PKHD1: variants seen among roughly 807,000 people sequenced by gnomAD.
The protein encoded by PKHD1 is fibrocystin.
A neutral mutation model predicts 412.0 loss-of-function variants in PKHD1; 291 were observed. The ratio of observed to expected loss-of-function variants is 0.71; its 90% confidence interval spans 0.64 to 0.78. PKHD1 has a LOEUF of 0.78. Among genes scored for constraint, PKHD1 ranks in the 30% least tolerant of loss-of-function variants. The pLI, the probability that PKHD1 is intolerant of heterozygous loss-of-function variation, is 0.00. For synonymous variants in PKHD1, 1,777 were observed against 1,821.5 expected (o/e 0.98, Z 0.62); for missense variants, 4,825 against 4,950.7 (o/e 0.97, Z 0.76).
chr6:51,739,044 T>A (rs180967394), intron 60 of PKHD1, among the ~76,000 whole-genome samples: 1,833 of 147,950 alleles, frequency 0.012, 13 homozygotes, highest in Middle Eastern at 0.022. Context: ...ATATATATAT[T>A]TTTTATTTTA....
At chr6:51,768,328 A>G (rs1488202777) in intron 55 of PKHD1, among the ~76,000 whole-genome samples, 1 of 152,014 alleles carries the variant, frequency 6.6e-6, no homozygotes, top group East Asian at 1.9e-4. Context: ...GTTGTATTAG[A>G]TTTGACATCT....
intron 60 of PKHD1, among the ~76,000 whole-genome samples, chr6:51,677,637 C>CA (rs1265468772): frequency 6.6e-6 from 1 of 151,938 alleles, no homozygotes; most frequent in East Asian, 1.9e-4. Flanking sequence ...TTGCATGAAG[C>CA]AAAAAATGTC....
chr6:51,702,677 GAAAA>G (rs1464898083), intron 60 of PKHD1, among the ~76,000 whole-genome samples: 2 of 151,744 alleles, frequency 1.3e-5, no homozygotes, highest in African/African-American at 4.8e-5. Flanking sequence ...CCAAGATCTA[GAAAA>G]AGCAAATTTA....
At chr6:52,020,504 A>G (rs1367380163) in intron 33 of PKHD1, among the ~76,000 whole-genome samples, 1 of 152,196 alleles carries the variant, frequency 6.6e-6, no homozygotes, top group Non-Finnish European at 1.5e-5. Context: ...TTTACTTGGA[A>G]AGTTTCTGAT....
chr6:52,044,182 G>C (rs1805398022), intron 25 of PKHD1, among the ~76,000 whole-genome samples: 1 of 151,986 alleles, frequency 6.6e-6, no homozygotes, highest in Admixed American at 6.6e-5. Flanking sequence ...CTTTACTTGG[G>C]GTCTCTTTTG....
intron 28 of PKHD1, among the ~76,000 whole-genome samples, chr6:52,034,624 T>A (rs1189345890): frequency 1.3e-5 from 2 of 152,126 alleles, no homozygotes; most frequent in African/African-American, 4.8e-5. Context: ...ATACTACATA[T>A]CAAAAGCTTT....
At chr6:52,017,167 G>A (rs1162114632) in intron 34 of PKHD1, among the ~76,000 whole-genome samples, 2 of 152,188 alleles carry the variant, frequency 1.3e-5, no homozygotes, top group South Asian at 2.1e-4. Flanking sequence ...ATCTAAGCAA[G>A]AACAAAGCGA....
intron 34 of PKHD1, among the ~76,000 whole-genome samples, chr6:52,011,739 G>A (rs926824109): frequency 1.4e-4 from 22 of 152,078 alleles, no homozygotes; most frequent in Non-Finnish European, 2.4e-4. Flanking sequence ...CTTAATCTTC[G>A]CTTCTTCATG....
chr6:51,718,436 A>G (rs1781516751), intron 60 of PKHD1, among the ~76,000 whole-genome samples: 2 of 152,198 alleles, frequency 1.3e-5, no homozygotes, highest in African/African-American at 4.8e-5. Context: ...GTTTCAACTA[A>G]ATCACAAAAT....
At chr6:51,835,057 T>G (rs983484422) in intron 51 of PKHD1, among the ~76,000 whole-genome samples, 1 of 152,202 alleles carries the variant, frequency 6.6e-6, no homozygotes, top group Non-Finnish European at 1.5e-5. Context: ...CACAACTCTA[T>G]GAAGTATGGG....
intron 60 of PKHD1, among the ~76,000 whole-genome samples, chr6:51,732,377 C>T (rs550011548): frequency 2.0e-5 from 3 of 151,986 alleles, no homozygotes; most frequent in Non-Finnish European, 2.9e-5. Flanking sequence ...GAAATATTTG[C>T]AAATCATATG....
intron 5 of PKHD1, among the ~76,000 whole-genome samples, chr6:52,077,558 A>G (rs1423513705): frequency 6.6e-6 from 1 of 152,208 alleles, no homozygotes; most frequent in Non-Finnish European, 1.5e-5. Flanking sequence ...AGAGAACATC[A>G]CCAAAGAATA....
Position 51,618,993 on chromosome 6 carries a change from A to T in PKHD1, c.*88T>A, listed in dbSNP as rs1016321984. On this transcript the variant is annotated 3_prime_UTR_variant, in exon 67 of 67. Transcript: ENST00000371117. ...CACATTCTCTCTTCTTAGTTGTCCC[A>T]GCAGGACAGTCCTCACTTCCCCAGC... 7 of 1,204,998 alleles carry T rather than the reference A, an allele frequency of 5.8e-6. No homozygotes were observed. In the Admixed American group the frequency reaches 6.7e-5, roughly 12 times the overall value. 74.6% of individuals were successfully genotyped at this position (1,204,998 alleles called of 1,614,324 possible). A position where few individuals can be genotyped will look rare whatever the true frequency, so the allele number is the denominator to read the frequency against.
intron 52 of PKHD1, among the ~76,000 whole-genome samples, chr6:51,801,451 G>C (rs1258291198): frequency 1.3e-5 from 2 of 152,036 alleles, no homozygotes; most frequent in Admixed American, 1.3e-4. Context: ...AGAAGTGCTA[G>C]CTTTATAGTC....
At chr6:51,753,445 C>T in intron 56 of PKHD1, 92 bp from the exon 57 acceptor site, 5 of 1,001,290 alleles carry the variant, frequency 5.0e-6, no homozygotes, top group East Asian at 2.5e-5. Context: ...GAAATGAAAA[C>T]ATCCTTTCCC....
rs570014952 is a variant in PKHD1 at position 51,710,506 on chromosome 6, C to T, written c.10156+33879G>A. On this transcript the variant is annotated intron_variant, in intron 60 of 66. Coordinates refer to ENST00000371117, the MANE Select transcript of PKHD1 (RefSeq NM_138694.4). ...TCACCTAACAGAAATCTATATTGTA[C>T]TTATTTATACATGAATCTTAGCTAT... 1.1e-3 allele frequency among the ~76,000 whole-genome samples: 173 copies of T among 152,086 alleles called. 1 individual carries two copies. Among genetic ancestry groups the T allele is most frequent in the African/African-American group, 3.6e-3 (151 of 41,484 alleles).
At chr6:52,079,417 A>AACCCC in intron 5 of PKHD1, among the ~76,000 whole-genome samples, 1 of 152,326 alleles carries the variant, frequency 6.6e-6, no homozygotes, top group Admixed American at 6.5e-5. Flanking sequence ...CTCACCAAGG[A>AACCCC]ACGTGGGGCC....
chr6:51,762,569 T>C (rs1252815235), intron 55 of PKHD1, among the ~76,000 whole-genome samples: 2 of 151,934 alleles, frequency 1.3e-5, no homozygotes, highest in Non-Finnish European at 2.9e-5. Context: ...TAAGCTTACT[T>C]TGGTTGATTG....
At chr6:51,846,955 TTC>T (rs1304065372) in intron 50 of PKHD1, among the ~76,000 whole-genome samples, 1 of 152,090 alleles carries the variant, frequency 6.6e-6, no homozygotes, top group African/African-American at 2.4e-5. Flanking sequence ...ATCCATTTTT[TTC>T]TCTTTCTTTT....
Sources: allele counts gnomAD v4.1 joint callset (sites outside exome capture counted in the v4.1 genomes callset), GRCh38; gene constraint gnomAD v4.1.1; transcripts MANE v1.5; gene names NCBI Gene and HGNC (gene_info 2026-07-23, HGNC 2026-07-21).